Variants in DNAI3 observed in about 807,000 individuals in gnomAD.
DNAI3 encodes the protein dynein axonemal intermediate chain 3.
A neutral mutation model predicts 115.5 loss-of-function variants in DNAI3; 83 were observed. The ratio of observed to expected loss-of-function variants is 0.72; its 90% CI spans 0.60 to 0.86. The LOEUF (loss-of-function observed/expected upper bound fraction) is 0.86. DNAI3 is among the 40% of genes least tolerant of loss of function. The pLI is 0.00. For missense variants in DNAI3, 1,004 were observed against 1,075.8 expected, an observed-to-expected ratio of 0.93 and a Z score of 0.93; for synonymous variants, 320 against 347.0, an observed-to-expected ratio of 0.92 and a Z score of 0.86.
Position 85,081,376 on chromosome 1 carries a change from T to C in DNAI3, c.246T>C (p.Ala82=). 1.3e-6 allele frequency: 2 copies of C among 1,588,978 alleles called. No homozygotes were observed. The highest frequency in any genetic ancestry group is 1.7e-6 in the Non-Finnish European group (2 of 1,172,694). Residue 82 remains alanine (A), a synonymous_variant, in exon 4 of 23, where the codon GCT becomes GCC. Transcript: ENST00000294664. ...EDIFEDLRNR[A]AVSDFHPVKK... is the part of the protein sequence containing the mutation. ...TTTTTGAGGACCTGCGCAACAGAGC[T>C]GCAGTATCTGATTTCCACCCAGTCA...
intron 7 of DNAI3, among the ~76,000 whole-genome samples, chr1:85,086,873 C>G (rs1358867074): frequency 1.3e-5 from 2 of 151,960 alleles, no homozygotes; most frequent in Non-Finnish European, 2.9e-5. Context: ...TGTCACTGAT[C>G]AAAACCTTCC....
At chr1:85,073,977 C>T (rs1654370921) in intron 3 of DNAI3, among the ~76,000 whole-genome samples, 1 of 152,114 alleles carries the variant, frequency 6.6e-6, no homozygotes, top group Non-Finnish European at 1.5e-5. Context: ...CTGTTATCAG[C>T]ACCCAGCACA....
Position 85,117,720 on chromosome 1 carries a change from C to T in DNAI3, c.1787-9C>T, listed in dbSNP as rs1655874270. On this transcript the variant is annotated splice_polypyrimidine_tract_variant and intron_variant, in intron 16 of 22. Transcript: ENST00000294664. ...ATATGTACTTCTTCTACCCACACTC[C>T]TCTGAAAGACAAAATGTTAGCACAG... is the stretch of plus-strand genomic sequence containing the variant. 6.2e-7 allele frequency: 1 copy of T among 1,612,536 alleles called. No homozygotes were observed.
chr1:85,130,613 C>T (rs1656282087), intron 22 of DNAI3, among the ~76,000 whole-genome samples: 1 of 151,430 alleles, frequency 6.6e-6, no homozygotes, highest in Non-Finnish European at 1.5e-5. Flanking sequence ...GACAAATAGA[C>T]TTTCAGTAAA....
intron 5 of DNAI3, among the ~76,000 whole-genome samples, chr1:85,083,730 G>A (rs1253166932): frequency 6.6e-6 from 1 of 151,792 alleles, no homozygotes; most frequent in African/African-American, 2.4e-5. Flanking sequence ...TTTAACAAAA[G>A]AAATAAATAT....
In DNAI3 at chr1:85,121,766, T is replaced by C. The variant is rs1164751498; in HGVS notation, c.1933T>C (p.Tyr645His). 2 of 1,614,200 alleles carry C rather than the reference T, an allele frequency of 1.2e-6. No homozygotes were observed. Among genetic ancestry groups the C allele is most frequent in the Non-Finnish European group, 8.5e-7 (1 of 1,180,012 alleles). Reference sequence around the variant, plus strand: ...ATATTTTTAGGAAGGCGAAGTGATATACACAGATTGGAAAATGGAAAAAGA... The same window carrying C: ...ATATTTTTAGGAAGGCGAAGTGATACACACAGATTGGAAAATGGAAAAAGA... ...FVGTEEGEVI[Y>H]TDWKMEKDPE... The change falls in exon 18 of 23, where the codon TAC (tyrosine) becomes CAC (histidine). Residue 645 changes from tyrosine to histidine, a missense_variant. Coordinates refer to ENST00000294664, the MANE Select transcript of DNAI3 (RefSeq NM_145172.5).
intron 15 of DNAI3, among the ~76,000 whole-genome samples, chr1:85,108,973 A>G (rs1387531056): frequency 6.6e-6 from 1 of 152,186 alleles, no homozygotes; most frequent in Admixed American, 6.5e-5. Context: ...TTTCCTCCCT[A>G]CTGTAGCCAA....
chr1:85,072,954 C>CAAAAAAA (rs35956778), intron 2 of DNAI3, 100 bp from the exon 3 acceptor site: 9 of 408,362 alleles, frequency 2.2e-5, no homozygotes, highest in African/African-American at 7.2e-5. Context: ...GACTCCGTCT[C>CAAAAAAA]AAAAAAAAAA....
At chr1:85,126,018 G>C (rs555014651) in intron 19 of DNAI3, among the ~76,000 whole-genome samples, 7 of 152,256 alleles carry the variant, frequency 4.6e-5, no homozygotes, top group African/African-American at 1.7e-4. Flanking sequence ...CTTTATATGA[G>C]AATTTGCCAA....
chr1:85,105,528 C>CAAAAAAAAAAAAA (rs755945527), intron 14 of DNAI3, among the ~76,000 whole-genome samples: 2 of 51,666 alleles, frequency 3.9e-5, no homozygotes, highest in Non-Finnish European at 7.2e-5. Context: ...AACTCTGTCT[C>CAAAAAAAAAAAAA]AAAAAAAAAA....
At chr1:85,090,724 G>A (rs1654946536) in intron 8 of DNAI3, among the ~76,000 whole-genome samples, 1 of 152,112 alleles carries the variant, frequency 6.6e-6, no homozygotes, top group Non-Finnish European at 1.5e-5. Context: ...TACTGGCTTT[G>A]AAAGAGAAGC....
chr1:85,073,173 A>C (rs1654339878), intron 3 of DNAI3, 81 bp downstream of exon 3: 5 of 998,828 alleles, frequency 5.0e-6, no homozygotes, highest in Non-Finnish European at 5.7e-6. Context: ...GGAATACTAC[A>C]AACTGAAGTG....
At chr1:85,110,164 AAAAAAGG>A (rs1210797855) in intron 16 of DNAI3, 29 bp downstream of exon 16, 1 of 1,603,460 alleles carries the variant, frequency 6.2e-7, no homozygotes, top group African/African-American at 1.4e-5. Flanking sequence ...TTAAAAAAAA[AAAAAAGG>A]CCGGGCGCGG....
At chr1:85,073,172 C>T (rs919104648) in intron 3 of DNAI3, 80 bp downstream of exon 3, 3 of 1,001,896 alleles carry the variant, frequency 3.0e-6, no homozygotes, top group Non-Finnish European at 4.3e-6. Flanking sequence ...AGGAATACTA[C>T]AAACTGAAGT....
intron 8 of DNAI3, among the ~76,000 whole-genome samples, chr1:85,090,733 G>A (rs1419912799): frequency 1.3e-5 from 2 of 152,118 alleles, no homozygotes; most frequent in Non-Finnish European, 2.9e-5. Flanking sequence ...TGAAAGAGAA[G>A]CATCTTCAAA....
chr1:85,100,449 C>T (rs61769382), intron 13 of DNAI3, among the ~76,000 whole-genome samples: 2 of 151,664 alleles, frequency 1.3e-5, no homozygotes, highest in Admixed American at 6.6e-5. Flanking sequence ...GTTAGAATGG[C>T]GATCATTAAA....
intron 5 of DNAI3, among the ~76,000 whole-genome samples, chr1:85,083,417 G>A (rs1406998090): frequency 6.6e-6 from 1 of 152,096 alleles, no homozygotes; most frequent in East Asian, 1.9e-4. Flanking sequence ...GGCCGGAAAG[G>A]TGGAGGTTGC....
intron 13 of DNAI3, among the ~76,000 whole-genome samples, chr1:85,100,813 G>A (rs960901265): frequency 2.6e-5 from 4 of 152,308 alleles, no homozygotes; most frequent in Middle Eastern, 3.4e-3. Flanking sequence ...ATGAGTTCAT[G>A]TCCTTTGTAG....
At position 85,084,173 on chromosome 1, in the gene DNAI3, A is replaced by ATG. The variant is rs1553165770; in HGVS notation, c.391-359_391-358dup. On this transcript the variant is annotated intron_variant, in intron 5 of 22. Transcript: ENST00000294664. ...AAAGCAGCAGTGTGTGTATATATAT[A>ATG]TGTGTGTGTGTGTGTATATATACAC... Among the ~76,000 whole-genome samples, 63 of 139,922 alleles carry ATG rather than the reference A, an allele frequency of 4.5e-4. No homozygotes were observed. The East Asian group carries it at 7.3e-3, about 16-fold the overall frequency. 91.8% of individuals were successfully genotyped at this position (139,922 alleles called of 152,430 possible).
Sources: gnomAD v4.1 joint callset for allele counts (sites outside exome capture counted in the v4.1 genomes callset) on GRCh38, gnomAD v4.1.1 for gene constraint, MANE v1.5 for transcripts, NCBI Gene and HGNC (gene_info 2026-07-23, HGNC 2026-07-21) for gene names.